ZNF831: variants seen among roughly 807,000 people sequenced by gnomAD.
ZNF831 encodes the protein zinc finger protein 831.
ZNF831 carries 59 observed loss-of-function variants against 95.8 expected under a neutral mutation model. The observed-to-expected ratio is 0.62, with a 90% CI of 0.50 to 0.77. The LOEUF is 0.77. ZNF831 is among the 30% of genes least tolerant of loss of function. ZNF831 has a pLI of 0.00. For synonymous variants in ZNF831, 961 were observed against 925.5 expected (o/e 1.04, Z -0.70); for missense variants, 2,205 against 2,164.0 (o/e 1.02, Z -0.38).
intron 4 of ZNF831, among the ~76,000 whole-genome samples, chr20:59,252,589 T>C (rs1273947126): frequency 1.3e-5 from 2 of 151,928 alleles, no homozygotes; most frequent in East Asian, 3.9e-4. Context: ...GTTCCCACCA[T>C]GCATCGAGTG....
intron 1 of ZNF831, among the ~76,000 whole-genome samples, chr20:59,125,453 C>A (rs572517240): frequency 2.7e-4 from 41 of 152,266 alleles, no homozygotes; most frequent in Non-Finnish European, 4.4e-5. Context: ...TCCCCACCCC[C>A]CCGCAGCATC....
intron 4 of ZNF831, among the ~76,000 whole-genome samples, chr20:59,238,008 A>G (rs1987098907): frequency 6.6e-6 from 1 of 152,132 alleles, no homozygotes; most frequent in Non-Finnish European, 1.5e-5. Context: ...ATTGCATAAG[A>G]CATATTTATG....
At position 59,158,625 on chromosome 20, in the gene ZNF831, G is replaced by A. The variant is rs537155107; in HGVS notation, c.-1280-1027G>A. Among the ~76,000 whole-genome samples the A allele has an allele frequency of 2.6e-5, 4 of 152,342 alleles. No homozygotes were observed. In the East Asian group the frequency reaches 7.7e-4, roughly 29 times the overall value. On this transcript the variant is annotated intron_variant, in intron 2 of 7. Transcript: ENST00000637017. ...ACCCAGGCCATCCCTTTTGTTCAAA[G>A]TATCAGACCATTCAGACCTGCAGTC...
chr20:59,168,304 CAT>C (rs1292238562), intron 1 of ZNF831, among the ~76,000 whole-genome samples: 5 of 152,126 alleles, frequency 3.3e-5, no homozygotes, highest in Non-Finnish European at 7.4e-5. Context: ...AAGTCTTGTA[CAT>C]GTTTTATTAG....
chr20:59,125,634 C>T (rs561712168), intron 1 of ZNF831, among the ~76,000 whole-genome samples: 14 of 152,172 alleles, frequency 9.2e-5, no homozygotes, highest in Non-Finnish European at 1.2e-4. Flanking sequence ...GTTAGCTATG[C>T]AGATTTTGAA....
chr20:59,138,958 A>G (rs1979593469), intron 1 of ZNF831, among the ~76,000 whole-genome samples: 1 of 151,084 alleles, frequency 6.6e-6, no homozygotes, highest in East Asian at 1.9e-4. Context: ...CCCTCCTCAG[A>G]GAGGTCCTCT....
At position 59,192,182 on chromosome 20, in the gene ZNF831, C is replaced by T. The variant is rs758287794; in HGVS notation, c.1163C>T (p.Ala388Val). Residue 388 changes from alanine (A) to valine (V), a missense_variant, in exon 2 of 6, where the codon GCC becomes GTC. Coordinates refer to ENST00000371030, the MANE Select transcript of ZNF831 (RefSeq NM_178457.3). This position sits in a 1 kb window ranked among gnomAD's most constrained non-coding sequence, Gnocchi z 5.2. ...GPGPGPGVAG[A>V]EPGAREAGLE... ...GGCCCGGGGCCAGGGGTCGCAGGGG[C>T]CGAGCCCGGGGCGCGAGAAGCCGGC... 1.3e-6 allele frequency: 2 copies of T among 1,568,628 alleles called. No individual in the cohort carries two copies. The highest frequency in any genetic ancestry group is 4.6e-5 in the East Asian group (2 of 43,076).
intron 1 of ZNF831, among the ~76,000 whole-genome samples, chr20:59,129,627 A>G (rs1323712992): frequency 3.3e-5 from 5 of 152,206 alleles, no homozygotes; most frequent in Non-Finnish European, 7.4e-5. Context: ...TGGCTCAAAC[A>G]GACAAACAAA....
At chr20:59,212,238 C>T (rs1237072050) in intron 4 of ZNF831, among the ~76,000 whole-genome samples, 2 of 152,122 alleles carry the variant, frequency 1.3e-5, no homozygotes, top group African/African-American at 4.8e-5. Context: ...CTCTCCTAAA[C>T]TATTCCAAAA....
chr20:59,148,850 GGT>G (rs1439766947), intron 2 of ZNF831, among the ~76,000 whole-genome samples: 2 of 152,026 alleles, frequency 1.3e-5, no homozygotes, highest in Non-Finnish European at 2.9e-5. Flanking sequence ...CCACATACCT[GGT>G]GTGAGTTCTG....
intron 4 of ZNF831, among the ~76,000 whole-genome samples, chr20:59,241,113 C>A (rs1173484351): frequency 6.6e-6 from 1 of 152,120 alleles, no homozygotes. Flanking sequence ...AAAGGAGAGA[C>A]TTCTTAGAAT....
chr20:59,203,257 G>A (rs561146381), intron 3 of ZNF831, among the ~76,000 whole-genome samples: 6 of 152,126 alleles, frequency 3.9e-5, no homozygotes, highest in South Asian at 2.1e-4. Flanking sequence ...TATGGACCAC[G>A]GGTTAAATAT....
intron 4 of ZNF831, among the ~76,000 whole-genome samples, chr20:59,227,361 T>C (rs1485094019): frequency 6.6e-6 from 1 of 152,224 alleles, no homozygotes; most frequent in African/African-American, 2.4e-5. Context: ...CTGAGACATA[T>C]CTGCTCCTTA....
At chr20:59,185,224 G>C (rs1465481891) in intron 1 of ZNF831, among the ~76,000 whole-genome samples, 1 of 152,144 alleles carries the variant, frequency 6.6e-6, no homozygotes, top group African/African-American at 2.4e-5. Flanking sequence ...GTTTTCCTGA[G>C]AAAAGCGTCA....
intron 1 of ZNF831, among the ~76,000 whole-genome samples, chr20:59,185,583 C>T (rs989683261): frequency 1.3e-5 from 2 of 152,094 alleles, no homozygotes; most frequent in African/African-American, 4.8e-5. Context: ...CCCATTTTCC[C>T]AGTCACTTCA....
intron 1 of ZNF831, among the ~76,000 whole-genome samples, chr20:59,126,167 A>G (rs1042592087): frequency 1.3e-5 from 2 of 152,168 alleles, no homozygotes; most frequent in African/African-American, 4.8e-5. Flanking sequence ...CTGTGTTCCT[A>G]TCCTAGGCCA....
At chr20:59,241,599 C>T (rs983730204) in intron 4 of ZNF831, among the ~76,000 whole-genome samples, 21 of 152,198 alleles carry the variant, frequency 1.4e-4, no homozygotes, top group African/African-American at 4.6e-4. Flanking sequence ...AGCCAGAAAG[C>T]GTAGATTCTT....
At chr20:59,184,283 G>A (rs1456988322) in intron 1 of ZNF831, among the ~76,000 whole-genome samples, 3 of 152,096 alleles carry the variant, frequency 2.0e-5, no homozygotes, top group Admixed American at 2.0e-4. Context: ...TTTACTGAAG[G>A]ACATCTTGCT....
chr20:59,222,773 C>G (rs1301587253), intron 4 of ZNF831, among the ~76,000 whole-genome samples: 1 of 152,180 alleles, frequency 6.6e-6, no homozygotes, highest in Non-Finnish European at 1.5e-5. Context: ...GGGAGGGAGG[C>G]GGGCGGACCC....
Sources: allele counts gnomAD v4.1 joint callset (sites outside exome capture counted in the v4.1 genomes callset), GRCh38; gene constraint gnomAD v4.1.1; non-coding constraint Gnocchi (gnomAD v3.1); transcripts MANE v1.5; gene names NCBI Gene and HGNC (gene_info 2026-07-23, HGNC 2026-07-21).